RHEB: variants seen among roughly 807,000 people sequenced by gnomAD.
RHEB encodes the protein GTP-binding protein Rheb.
Under a neutral mutation model 28.8 loss-of-function variants are expected in RHEB, and 2 were observed. The ratio of observed to expected loss-of-function variants is 0.07; its 90% confidence interval spans 0.03 to 0.22. The LOEUF (loss-of-function observed/expected upper bound fraction) is 0.22. RHEB is among the 10% of genes least tolerant of loss of function. RHEB has a pLI of 1.00. For missense variants in RHEB, 76 were observed against 219.9 expected (o/e 0.35, Z 4.14); for synonymous variants, 69 against 77.3 (o/e 0.89, Z 0.56).
intron 1 of RHEB, chr7:151,502,271 A>C (rs1802786591): frequency 1.6e-6 from 1 of 639,964 alleles, no homozygotes; most frequent in African/African-American, 1.9e-5. Context: ...AGCCTGCAGC[A>C]ATGGCACTAG....
At position 151,467,111 on chromosome 7, in the gene RHEB, C is replaced by G. The variant is rs768571063; in HGVS notation, c.*8G>C. ...ATATTCCCAGTGTCCTCAGGCTTTG[C>G]AGCAGAATCACATCACCGAGCATGA... On this transcript the variant is annotated 3_prime_UTR_variant, in exon 8 of 8. Coordinates refer to ENST00000262187, the MANE Select transcript of RHEB (RefSeq NM_005614.4). 6.2e-7 allele frequency: 1 copy of G among 1,602,808 alleles called. No individual in the cohort carries two copies. The highest frequency in any genetic ancestry group is 8.5e-7 in the Non-Finnish European group (1 of 1,169,788).
intron 1 of RHEB, among the ~76,000 whole-genome samples, chr7:151,491,388 C>T (rs1389401302): frequency 6.6e-6 from 1 of 152,120 alleles, no homozygotes; most frequent in South Asian, 2.1e-4. Flanking sequence ...TGATTAGTTT[C>T]GTTGTATTCA....
At chr7:151,498,271 C>G (rs1802708626) in intron 1 of RHEB, 2 of 592,214 alleles carry the variant, frequency 3.4e-6, no homozygotes, top group Non-Finnish European at 2.8e-6. Flanking sequence ...TTAGGGGAAA[C>G]ATCAATGAAA....
intron 2 of RHEB, among the ~76,000 whole-genome samples, chr7:151,490,504 T>C (rs1802561736): frequency 6.6e-6 from 1 of 152,164 alleles, no homozygotes; most frequent in Non-Finnish European, 1.5e-5. Flanking sequence ...TTCAAATCTT[T>C]AGGGCTGGAA....
chr7:151,514,064 T>C (rs1014400780), intron 1 of RHEB, among the ~76,000 whole-genome samples: 2 of 152,196 alleles, frequency 1.3e-5, no homozygotes, highest in Non-Finnish European at 2.9e-5. Context: ...TACAGATCAA[T>C]GGAATGAGTG....
chr7:151,477,198 C>A, intron 4 of RHEB, 135 bp downstream of exon 4: 1 of 654,716 alleles, frequency 1.5e-6, no homozygotes, highest in Non-Finnish European at 2.6e-6. Context: ...CCAGTTGCTC[C>A]ACGAGAAAAT....
At chr7:151,506,455 G>A (rs7779300) in intron 1 of RHEB, among the ~76,000 whole-genome samples, 10,211 of 152,018 alleles carry the variant, frequency 0.067, 1,102 homozygotes, top group African/African-American at 0.23. Flanking sequence ...ACATCATAAT[G>A]GTACCTATCC....
Position 151,519,725 on chromosome 7 carries a change from G to C in RHEB, c.-214C>G. The C allele has an allele frequency of 2.8e-6, 1 of 355,204 alleles. No individual in the cohort carries two copies. Among genetic ancestry groups the C allele is most frequent in the Non-Finnish European group, 5.0e-6 (1 of 199,122 alleles). 22.0% of individuals were successfully genotyped at this position (355,204 alleles called of 1,614,324 possible). A position where few individuals can be genotyped will look rare whatever the true frequency, so the allele number is the denominator to read the frequency against. ...CCTCCCCCCCACAACACGCCCACGT[G>C]ACCGGCCGGCGTCAGCACCGCCCCT... On this transcript the variant is annotated 5_prime_UTR_variant, in exon 1 of 8. Coordinates refer to ENST00000262187, the MANE Select transcript of RHEB (RefSeq NM_005614.4).
At chr7:151,477,682 G>T (rs1028080938) in intron 3 of RHEB, among the ~76,000 whole-genome samples, 1 of 152,196 alleles carries the variant, frequency 6.6e-6, no homozygotes, top group African/African-American at 2.4e-5. Flanking sequence ...GAAGAGGATG[G>T]ATGGAACACA....
intron 1 of RHEB, among the ~76,000 whole-genome samples, chr7:151,500,828 C>A (rs1195392495): frequency 6.6e-6 from 1 of 151,964 alleles, no homozygotes; most frequent in Non-Finnish European, 1.5e-5. Flanking sequence ...TATAGAAAAT[C>A]AAAAAATGAG....
chr7:151,516,142 T>C (rs1041826669), intron 1 of RHEB, among the ~76,000 whole-genome samples: 2 of 152,212 alleles, frequency 1.3e-5, no homozygotes, highest in African/African-American at 4.8e-5. Context: ...CAACAGTTAA[T>C]ACAAAGCACT....
chr7:151,500,282 C>T (rs1317622410), intron 1 of RHEB, among the ~76,000 whole-genome samples: 1 of 151,558 alleles, frequency 6.6e-6, no homozygotes, highest in Non-Finnish European at 1.5e-5. Flanking sequence ...GTACTTATTA[C>T]AAACCAACAA....
intron 2 of RHEB, among the ~76,000 whole-genome samples, chr7:151,485,919 T>C (rs769145372): frequency 3.9e-5 from 6 of 152,186 alleles, no homozygotes; most frequent in Non-Finnish European, 7.3e-5. Context: ...CACACTATAT[T>C]ATGCTTGTAC....
At chr7:151,487,902 A>T (rs780296461) in intron 2 of RHEB, among the ~76,000 whole-genome samples, 2 of 152,150 alleles carry the variant, frequency 1.3e-5, no homozygotes, top group Non-Finnish European at 2.9e-5. Flanking sequence ...AGGTTTCCAA[A>T]ATTTGGTGTT....
intron 1 of RHEB, among the ~76,000 whole-genome samples, chr7:151,492,385 C>G (rs149487108): frequency 1.3e-5 from 2 of 152,084 alleles, no homozygotes; most frequent in African/African-American, 4.8e-5. Context: ...GAGGCTGAAG[C>G]GGGTGGATCA....
At chr7:151,494,920 A>G (rs1434873490) in intron 1 of RHEB, among the ~76,000 whole-genome samples, 1 of 152,196 alleles carries the variant, frequency 6.6e-6, no homozygotes, top group Admixed American at 6.5e-5. Flanking sequence ...ATGCTAATGA[A>G]TCTTCATAAA....
intron 2 of RHEB, among the ~76,000 whole-genome samples, chr7:151,487,401 G>A (rs1290251871): frequency 6.6e-6 from 1 of 152,126 alleles, no homozygotes; most frequent in East Asian, 1.9e-4. Context: ...GAAGAGAGGG[G>A]AAGATTACTT....
At chr7:151,485,336 A>C (rs1242083704) in intron 2 of RHEB, among the ~76,000 whole-genome samples, 1 of 152,240 alleles carries the variant, frequency 6.6e-6, no homozygotes, top group East Asian at 1.9e-4. Flanking sequence ...ACTTAAGCTT[A>C]AGGATCCAAG....
At position 151,470,672 on chromosome 7, in the gene RHEB, CTAGT is replaced by C; in HGVS notation, c.381-24_381-21del. The C allele has an allele frequency of 6.5e-7, 1 of 1,528,218 alleles. No individual in the cohort carries two copies. The highest frequency in any genetic ancestry group is 9.0e-7 in the Non-Finnish European group (1 of 1,109,076). The allele number at this position is 1,528,218 out of a possible 1,614,324, so 94.7% of individuals were successfully genotyped here. On this transcript the variant is annotated intron_variant, in intron 6 of 7. Coordinates refer to ENST00000262187, the MANE Select transcript of RHEB (RefSeq NM_005614.4). ...ATCACCCTAAAGAAAAAATAAAATT[CTAGT>C]TAAAGTACTTTGCTCTTCATTATAT...
Sources: allele counts gnomAD v4.1 joint callset (sites outside exome capture counted in the v4.1 genomes callset), GRCh38; gene constraint gnomAD v4.1.1; transcripts MANE v1.5; gene names NCBI Gene and HGNC (gene_info 2026-07-23, HGNC 2026-07-21).